The following POLN variants were observed in gnomAD, a reference collection of about 807,000 sequenced individuals.
The protein encoded by POLN is DNA polymerase nu.
POLN carries 108 observed loss-of-function variants against 113.5 expected under a neutral mutation model. The ratio of observed to expected loss-of-function variants is 0.95; its 90% confidence interval spans 0.81 to 1.12. The LOEUF (loss-of-function observed/expected upper bound fraction) is 1.12. Ranked by LOEUF, POLN falls within the 50% of genes most tolerant of loss-of-function variation. The pLI is 0.00. For synonymous variants in POLN, 386 were observed against 391.5 expected (o/e 0.99, Z 0.17); for missense variants, 1,097 against 1,077.1 (o/e 1.02, Z -0.26).
intron 19 of POLN, among the ~76,000 whole-genome samples, chr4:2,112,314 A>T (rs551641420): frequency 1.0e-3 from 159 of 152,356 alleles, no homozygotes; most frequent in Non-Finnish European, 1.9e-3. Context: ...ACCATTCAGG[A>T]CATAGGCATG....
intron 2 of POLN, chr4:2,232,085 C>T (rs746889790): frequency 3.1e-6 from 5 of 1,604,240 alleles, no homozygotes; most frequent in Non-Finnish European, 3.4e-6. Context: ...GTCTTCACAT[C>T]AGCAAGAATA....
At chr4:2,146,947 G>A (rs1732158891) in intron 16 of POLN, among the ~76,000 whole-genome samples, 1 of 152,116 alleles carries the variant, frequency 6.6e-6, no homozygotes, top group Non-Finnish European at 1.5e-5. Context: ...ATGCAACAGT[G>A]AGCATATATT....
intron 13 of POLN, among the ~76,000 whole-genome samples, chr4:2,166,237 C>A (rs1246003667): frequency 1.3e-5 from 2 of 152,224 alleles, no homozygotes; most frequent in Admixed American, 1.3e-4. Context: ...TCCCATTCTT[C>A]TCAGTCACAA....
At chr4:2,236,216 G>A (rs1194619937) in intron 2 of POLN, 2 of 1,523,294 alleles carry the variant, frequency 1.3e-6, no homozygotes, top group Non-Finnish European at 1.8e-6. Context: ...AACTACTATG[G>A]CAAATACCCA....
chr4:2,100,330 G>A (rs1008871383), intron 19 of POLN, among the ~76,000 whole-genome samples: 2 of 152,116 alleles, frequency 1.3e-5, no homozygotes, highest in Non-Finnish European at 2.9e-5. Flanking sequence ...AAATACAGGA[G>A]AGTCAATAGC....
chr4:2,100,774 A>C (rs1338604359), intron 19 of POLN, among the ~76,000 whole-genome samples: 1 of 152,238 alleles, frequency 6.6e-6, no homozygotes, highest in Non-Finnish European at 1.5e-5. Flanking sequence ...AAAAAGCCCC[A>C]AACAGGCTGT....
At position 2,079,994 on chromosome 4, in the gene POLN, G is replaced by A. The variant is rs560649890; in HGVS notation, c.2387+964C>T. On this transcript the variant is annotated intron_variant, in intron 23 of 25. Transcript: ENST00000511885. ...TGAAGCTGCAAGCAGAGTCCCTGGG[G>A]CAGTGCTTAGACCCCCACGGGACTG... is the stretch of plus-strand genomic sequence containing the variant. 5 of 985,518 alleles carry A rather than the reference G, an allele frequency of 5.1e-6. No individual in the cohort carries two copies. The East Asian group carries it at 4.5e-4, about 90-fold the overall frequency. 61.0% of individuals were successfully genotyped at this position (985,518 alleles called of 1,614,324 possible). A position where few individuals can be genotyped will look rare whatever the true frequency, so the allele number is the denominator to read the frequency against.
intron 3 of POLN, among the ~76,000 whole-genome samples, chr4:2,214,577 A>G (rs985282137): frequency 6.6e-6 from 1 of 152,198 alleles, no homozygotes; most frequent in African/African-American, 2.4e-5. Flanking sequence ...AAGAGGAAAC[A>G]AATACAATAC....
At chr4:2,123,462 C>T (rs1253454391) in intron 19 of POLN, among the ~76,000 whole-genome samples, 2 of 151,622 alleles carry the variant, frequency 1.3e-5, no homozygotes, top group African/African-American at 2.4e-5. Context: ...CCTCTCACTA[C>T]TAAAATTACA....
At chr4:2,141,408 G>A (rs1731997498) in intron 16 of POLN, among the ~76,000 whole-genome samples, 1 of 152,152 alleles carries the variant, frequency 6.6e-6, no homozygotes, top group South Asian at 2.1e-4. Flanking sequence ...GGTGGTGGAT[G>A]ATGCTGGGAG....
rs750143116 is a variant in POLN, at chr4:2,093,361, T to C, written c.2065+2490A>G. On this transcript the variant is annotated intron_variant, in intron 20 of 25. Transcript: ENST00000511885. The surrounding 1 kb of genome is among the most constrained non-coding windows in gnomAD (Gnocchi z 4.1). ...TTACTGACATGGCACAGAAGTGAAG[T>C]AGGACTCAGACGTAACGGCAGATGA... 1.3e-5 allele frequency among the ~76,000 whole-genome samples: 2 copies of C among 152,170 alleles called. No homozygotes were observed. The highest frequency in any genetic ancestry group is 2.9e-5 in the Non-Finnish European group (2 of 68,028).
intron 16 of POLN, among the ~76,000 whole-genome samples, chr4:2,131,495 G>A (rs936986328): frequency 5.3e-5 from 8 of 152,114 alleles, no homozygotes; most frequent in South Asian, 2.1e-4. Context: ...TAGCAGATTT[G>A]AGAACAATTC....
At chr4:2,218,193 A>G (rs1734157462) in intron 3 of POLN, among the ~76,000 whole-genome samples, 1 of 151,486 alleles carries the variant, frequency 6.6e-6, no homozygotes, top group African/African-American at 2.4e-5. Context: ...GCACTTTGGG[A>G]GGCCAAGGCA....
intron 20 of POLN, among the ~76,000 whole-genome samples, chr4:2,086,617 A>G (rs1014277003): frequency 2.6e-5 from 4 of 152,206 alleles, no homozygotes; most frequent in African/African-American, 9.7e-5. Context: ...CCAGAAGAGA[A>G]TAATAATGTA....
At chr4:2,188,416 C>T (rs887636533) in intron 7 of POLN, among the ~76,000 whole-genome samples, 5 of 151,978 alleles carry the variant, frequency 3.3e-5, no homozygotes, top group South Asian at 4.2e-4. Context: ...CTGGCTAACA[C>T]AGTGAAACCC....
intron 25 of POLN, 93 bp from the exon 26 acceptor site, chr4:2,072,392 C>T (rs903452707): frequency 4.6e-5 from 47 of 1,022,906 alleles, no homozygotes; most frequent in Admixed American, 2.9e-5. Context: ...GCCTACAGCA[C>T]ACAGGTGCAC....
At chr4:2,074,493 C>T (rs1050786500) in intron 24 of POLN, among the ~76,000 whole-genome samples, 1 of 152,194 alleles carries the variant, frequency 6.6e-6, no homozygotes, top group Admixed American at 6.5e-5. Flanking sequence ...GCTGAGCACA[C>T]GTTATACTTG....
chr4:2,115,828 T>A (rs977233871), intron 19 of POLN, among the ~76,000 whole-genome samples: 1 of 152,212 alleles, frequency 6.6e-6, no homozygotes. Context: ...TGGTTTGAAA[T>A]GTTTTGTGAA....
At chr4:2,087,185 C>G (rs932437971) in intron 20 of POLN, among the ~76,000 whole-genome samples, 2 of 152,220 alleles carry the variant, frequency 1.3e-5, no homozygotes, top group African/African-American at 4.8e-5. Flanking sequence ...GCCTGATGAA[C>G]TGGCACCATT....
Sources: gnomAD v4.1 joint callset for allele counts (sites outside exome capture counted in the v4.1 genomes callset) on GRCh38, gnomAD v4.1.1 for gene constraint, Gnocchi (gnomAD v3.1) non-coding constraint, MANE v1.5 for transcripts, NCBI Gene and HGNC (gene_info 2026-07-23, HGNC 2026-07-21) for gene names.